The following POLR3E variants were observed in gnomAD, a reference collection of about 807,000 sequenced individuals.
POLR3E encodes RNA polymerase III subunit E.
In POLR3E, 41 loss-of-function variants were observed where a neutral mutation model predicts 96.6. The ratio of observed to expected loss-of-function variants is 0.42; its 90% confidence interval spans 0.33 to 0.55. The LOEUF (loss-of-function observed/expected upper bound fraction) is 0.55, where lower values mean the gene tolerates loss of function less well. Among genes scored for constraint, POLR3E ranks in the 20% least tolerant of loss-of-function variants. The pLI, the probability that POLR3E is intolerant of heterozygous loss-of-function variation, is 0.06. For synonymous variants in POLR3E, 396 were observed against 383.6 expected (o/e 1.03, Z -0.38); for missense variants, 849 against 952.1 (o/e 0.89, Z 1.43).
intron 19 of POLR3E, among the ~76,000 whole-genome samples, chr16:22,330,165 G>A (rs972035679): frequency 6.6e-6 from 1 of 151,808 alleles, no homozygotes; most frequent in Non-Finnish European, 1.5e-5. Flanking sequence ...TTGCGTTCAA[G>A]CGATTCTTGT....
In POLR3E at chr16:22,313,803, T is replaced by C. The variant is rs774768743; in HGVS notation, c.472+76T>C. 2.1e-5 allele frequency: 21 copies of C among 1,005,196 alleles called. No homozygotes were observed. Among genetic ancestry groups the C allele is most frequent in the Non-Finnish European group, 2.9e-5 (19 of 646,308 alleles). 62.3% of individuals were successfully genotyped at this position (1,005,196 alleles called of 1,614,324 possible). A position where few individuals can be genotyped will look rare whatever the true frequency, so the allele number is the denominator to read the frequency against. On this transcript the variant is annotated intron_variant, in intron 7 of 20. Transcript: ENST00000299853. This position sits in a 1 kb window ranked among gnomAD's most constrained non-coding sequence, Gnocchi z 4.1. ...GATGGCTTGGTCCTGGGAAGAGGGA[T>C]GGGATGATAGGATGTTTAGCAGGAT...
At chr16:22,328,116 G>A (rs547733014) in intron 18 of POLR3E, 30 of 177,046 alleles carry the variant, frequency 1.7e-4, no homozygotes, top group Admixed American at 4.7e-4. Flanking sequence ...GGAAGGGGGC[G>A]CCCCTCCATC....
At chr16:22,317,244 C>A in intron 12 of POLR3E, 38 bp downstream of exon 12, 1 of 1,440,686 alleles carries the variant, frequency 6.9e-7, no homozygotes, top group South Asian at 1.1e-5. Flanking sequence ...GGGCCCCAGT[C>A]CCAGTGGCTC....
In POLR3E at chr16:22,313,145, G is replaced by A. The variant is rs2048284285; in HGVS notation, c.365-475G>A. Among the ~76,000 whole-genome samples the A allele has an allele frequency of 6.6e-6, 1 of 152,086 alleles. No individual in the cohort carries two copies. Among genetic ancestry groups the A allele is most frequent in the African/African-American group, 2.4e-5 (1 of 41,422 alleles). On this transcript the variant is annotated intron_variant, in intron 6 of 20. Transcript: ENST00000299853. This position sits in a 1 kb window ranked among gnomAD's most constrained non-coding sequence, Gnocchi z 4.1. ...GCAGGGCCTCTTCTCCAGCCACAGT[G>A]GCACTAGTGGACTTCCTAGTGGAAC...
At position 22,328,579 on chromosome 16, in the gene POLR3E, A is replaced by G; in HGVS notation, c.1936A>G (p.Ser646Gly). Residue 646 changes from serine to glycine, a missense_variant, in exon 19 of 21, where the codon AGT (serine) becomes GGT (glycine). Coordinates refer to ENST00000299853, the MANE Select transcript of POLR3E (RefSeq NM_018119.4). ...TGCCCTCTGGGAGTCTGGAGACATG[A>G]GTGATCAGGTGAGGTGAACTTTGCT... ...VFALWESGDM[S>G]DQHRQVLLEI... The G allele has an allele frequency of 1.9e-6, 3 of 1,613,608 alleles. No individual in the cohort carries two copies. The highest frequency in any genetic ancestry group is 8.5e-7 in the Non-Finnish European group (1 of 1,179,608).
rs2048147349 is a variant in POLR3E at position 22,307,014 on chromosome 16, G to A, written c.88-1134G>A. ...CCTGTCCTGTGTGCCTGCTCACCCT[G>A]TTTCCTTGACTGGCTGCAAAGTGAT... On this transcript the variant is annotated intron_variant, in intron 3 of 20. Coordinates refer to ENST00000299853, the MANE Select transcript of POLR3E (RefSeq NM_018119.4). Among the ~76,000 whole-genome samples, 4 of 152,212 alleles carry A rather than the reference G, an allele frequency of 2.6e-5. No individual in the cohort carries two copies. The South Asian group carries it at 8.3e-4, about 32-fold the overall frequency.
Position 22,328,547 on chromosome 16 carries a change from A to G in POLR3E, c.1904A>G (p.Lys635Arg), listed in dbSNP as rs2048661863. ...PQTAASPDEQ[K>R]VFALWESGDM... ...ACTGCTGCTTCCCCGGATGAGCAGA[A>G]GGTGTTTGCCCTCTGGGAGTCTGGA... The change falls in exon 19 of 21, where the codon AAG becomes AGG. Residue 635 changes from lysine to arginine, a missense_variant. Transcript: ENST00000299853. 6.2e-7 allele frequency: 1 copy of G among 1,613,962 alleles called. No individual in the cohort carries two copies. The highest frequency in any genetic ancestry group is 1.7e-5 in the Admixed American group (1 of 60,002).
At chr16:22,330,087 G>A (rs1218340584) in intron 19 of POLR3E, among the ~76,000 whole-genome samples, 6 of 149,882 alleles carry the variant, frequency 4.0e-5, no homozygotes, top group South Asian at 2.1e-4. Context: ...GATAGATAGC[G>A]TCTTGCTCTT....
rs201162304 is a variant in POLR3E, at chr16:22,332,041, C to T, written c.1945-19C>T. On this transcript the variant is annotated intron_variant, in intron 19 of 20. Coordinates refer to ENST00000299853, the MANE Select transcript of POLR3E (RefSeq NM_018119.4). Reference sequence around the variant, plus strand: ...TTTAGATCACTGTTTCCCATCATAACGTGTTTTTGCTACTAAAGCATCGAC... The same window carrying T: ...TTTAGATCACTGTTTCCCATCATAATGTGTTTTTGCTACTAAAGCATCGAC... The T allele has an allele frequency of 2.2e-5, 36 of 1,610,982 alleles. 1 individual carries two copies. Among genetic ancestry groups the T allele is most frequent in the South Asian group, 2.2e-4 (20 of 90,840 alleles).
At chr16:22,316,870 G>A in intron 10 of POLR3E, 125 bp from the exon 11 acceptor site, 1 of 1,109,200 alleles carries the variant, frequency 9.0e-7, no homozygotes, top group East Asian at 2.4e-5. Flanking sequence ...CAGGGGCTCA[G>A]GGCTGCTGGG....
In POLR3E at chr16:22,309,028, G is replaced by A. The variant is rs1030807383; in HGVS notation, c.269G>A (p.Ser90Asn). ...GACGGGGCCTGCGCCGACGAGACCA[G>A]CACGTATTCCTCGTGAGTTTCCGGC... ...NVDGACADET[S>N]TYSSKLMDKQ... Residue 90 changes from serine (S) to asparagine (N), a missense_variant, in exon 5 of 21, where the codon AGC becomes AAC. Transcript: ENST00000299853. The A allele has an allele frequency of 6.2e-7, 1 of 1,611,636 alleles. No homozygotes were observed.
At position 22,326,039 on chromosome 16, in the gene POLR3E, G is replaced by T. The variant is rs61744759; in HGVS notation, c.1627G>T (p.Asp543Tyr). 2.3e-4 allele frequency: 373 copies of T among 1,605,286 alleles called. No individual in the cohort carries two copies. In the African/African-American group the frequency reaches 4.5e-3, roughly 19 times the overall value. ...GCCTCTCGGGCGGGCTGCGGGCACA[G>T]ACAGCTTCAACGGGCACCCGCCCCA... ...GLPLGRAAGTDSFNGHPPQGC... is the reference protein window; with the variant it reads ...GLPLGRAAGTYSFNGHPPQGC... Residue 543 changes from aspartate to tyrosine, a missense_variant, in exon 18 of 21, where the codon GAC becomes TAC. By Grantham distance (160) the Asp-to-Tyr change is radical (BLOSUM62 -3). Transcript: ENST00000299853.
chr16:22,303,114 AC>A (rs2048061424), intron 2 of POLR3E, 110 bp downstream of exon 2: 3 of 1,017,532 alleles, frequency 2.9e-6, no homozygotes, highest in South Asian at 2.5e-5. Flanking sequence ...GGGACCCCTA[AC>A]CCTTGCTGTT....
intron 3 of POLR3E, 186 bp downstream of exon 3, chr16:22,305,392 A>G (rs1314606647): frequency 1.4e-6 from 1 of 701,220 alleles, no homozygotes; most frequent in Non-Finnish European, 2.6e-6. Context: ...GGAAAACTGA[A>G]GGAACACAGG....
At chr16:22,299,012 A>G (rs1326645023) in intron 1 of POLR3E, 6 of 455,954 alleles carry the variant, frequency 1.3e-5, no homozygotes, top group Non-Finnish European at 2.2e-5. Context: ...GCAGAAGACA[A>G]ACAACACCTG....
chr16:22,317,248 G>C (rs778513352), intron 12 of POLR3E, 42 bp downstream of exon 12: 24 of 1,438,246 alleles, frequency 1.7e-5, no homozygotes, highest in African/African-American at 4.2e-5. Context: ...CCCAGTCCCA[G>C]TGGCTCCTGA....
At chr16:22,320,627 T>A (rs56072419) in intron 13 of POLR3E, among the ~76,000 whole-genome samples, 12 of 152,322 alleles carry the variant, frequency 7.9e-5, no homozygotes, top group Non-Finnish European at 1.6e-4. Flanking sequence ...TCAATCAATA[T>A]TCTTTACTCG....
chr16:22,309,758 G>A (rs545144056), intron 6 of POLR3E: 6 of 568,168 alleles, frequency 1.1e-5, no homozygotes, highest in Non-Finnish European at 1.9e-5. Context: ...TTGTCCTCCC[G>A]GGACACAGAT....
chr16:22,310,053 G>A (rs530086720), intron 6 of POLR3E: 19 of 159,994 alleles, frequency 1.2e-4, no homozygotes, highest in East Asian at 3.5e-4. Context: ...ATGCTACCAC[G>A]CAGATGAGCC....
Sources: gnomAD v4.1 joint callset for allele counts (sites outside exome capture counted in the v4.1 genomes callset) on GRCh38, gnomAD v4.1.1 for gene constraint, Gnocchi (gnomAD v3.1) non-coding constraint, MANE v1.5 for transcripts, NCBI Gene and HGNC (gene_info 2026-07-23, HGNC 2026-07-21) for gene names.